Variants in KHDRBS2 observed in about 807,000 individuals in gnomAD.
KHDRBS2 encodes KH domain-containing, RNA-binding, signal transduction-associated protein 2.
In KHDRBS2, 26 loss-of-function variants were observed where a neutral mutation model predicts 44.3. That is an observed-to-expected ratio of 0.59 (90% CI 0.43 to 0.81). The LOEUF is 0.81. Among genes scored for constraint, KHDRBS2 ranks in the 40% least tolerant of loss-of-function variants. The pLI is 0.00. For missense variants in KHDRBS2, 476 were observed against 433.1 expected (o/e 1.10, Z -0.88); for synonymous variants, 194 against 151.1 (o/e 1.28, Z -2.08).
chr6:62,105,278 G>A (rs140879933), intron 2 of KHDRBS2, among the ~76,000 whole-genome samples: 1 of 152,214 alleles, frequency 6.6e-6, no homozygotes, highest in African/African-American at 2.4e-5. Flanking sequence ...ATTCAAACAG[G>A]CTGGCATTAC....
chr6:61,886,579 G>A (rs1488971332), intron 6 of KHDRBS2, among the ~76,000 whole-genome samples: 1 of 151,988 alleles, frequency 6.6e-6, no homozygotes, highest in Non-Finnish European at 1.5e-5. Flanking sequence ...TTATATATGT[G>A]TTCGTGTGCA....
chr6:61,925,455 C>A (rs1394317007), intron 4 of KHDRBS2, among the ~76,000 whole-genome samples: 1 of 152,164 alleles, frequency 6.6e-6, no homozygotes, highest in Non-Finnish European at 1.5e-5. Flanking sequence ...GTGGCTCACA[C>A]CTCTAATTCC....
At chr6:61,709,036 G>A (rs916450632) in intron 7 of KHDRBS2, among the ~76,000 whole-genome samples, 10 of 151,788 alleles carry the variant, frequency 6.6e-5, no homozygotes, top group African/African-American at 1.9e-4. Flanking sequence ...GGGCAATAGT[G>A]ATGTCTACTT....
chr6:62,235,804 T>G (rs1390770414), intron 1 of KHDRBS2, among the ~76,000 whole-genome samples: 1 of 152,050 alleles, frequency 6.6e-6, no homozygotes, highest in Non-Finnish European at 1.5e-5. Context: ...ATGGTACAAT[T>G]TCGAGATTTC....
chr6:62,218,153 T>C (rs1830328213), intron 1 of KHDRBS2, among the ~76,000 whole-genome samples: 1 of 151,626 alleles, frequency 6.6e-6, no homozygotes, highest in South Asian at 2.1e-4. Flanking sequence ...TCAAGAGTAG[T>C]CAAATGGAAA....
intron 2 of KHDRBS2, among the ~76,000 whole-genome samples, chr6:62,096,098 G>C (rs1206200543): frequency 6.6e-6 from 1 of 151,874 alleles, no homozygotes; most frequent in South Asian, 2.1e-4. Flanking sequence ...TCTTTTTGAC[G>C]TGCTTTTGGA....
chr6:61,867,102 TTTAC>T (rs1433500139), intron 6 of KHDRBS2, among the ~76,000 whole-genome samples: 3 of 152,182 alleles, frequency 2.0e-5, no homozygotes, highest in Admixed American at 2.0e-4. Context: ...CTGGTACCAA[TTTAC>T]TGTATTAGTC....
intron 3 of KHDRBS2, among the ~76,000 whole-genome samples, chr6:61,999,213 C>A (rs189827234): frequency 1.3e-5 from 2 of 152,212 alleles, no homozygotes; most frequent in East Asian, 1.9e-4. Context: ...CAATTTCCAA[C>A]CTCCAACCCA....
chr6:62,092,569 A>G lies in KHDRBS2; in HGVS notation c.220-44575T>C, dbSNP rs541728135. On this transcript the variant is annotated intron_variant, in intron 2 of 8. Transcript: ENST00000281156. The stretch of plus-strand genomic sequence containing the variant: ...GCAAAATGGATATTTCATGTTAATC[A>G]TAATTGTCTACCTGACTTAAGTAAA... Among the ~76,000 whole-genome samples, 7 of 152,308 alleles carry G rather than the reference A, an allele frequency of 4.6e-5. No homozygotes were observed. In the East Asian group the frequency reaches 1.3e-3, roughly 29 times the overall value.
intron 4 of KHDRBS2, among the ~76,000 whole-genome samples, chr6:61,976,953 G>A (rs1772804679): frequency 6.6e-6 from 1 of 152,118 alleles, no homozygotes; most frequent in Non-Finnish European, 1.5e-5. Flanking sequence ...CAGAAATTCA[G>A]TGTGCATATG....
At chr6:61,848,929 TTCGTTGCCGGAAAAATTA>T (rs1465019903) in intron 6 of KHDRBS2, among the ~76,000 whole-genome samples, 2 of 152,112 alleles carry the variant, frequency 1.3e-5, no homozygotes, top group African/African-American at 4.8e-5. Flanking sequence ...ATTTAAGCAT[TTCGTTGCCGGAAAAATTA>T]TCCAAATCTT....
chr6:61,732,568 G>A, intron 7 of KHDRBS2, 114 bp downstream of exon 7: 1 of 691,150 alleles, frequency 1.4e-6, no homozygotes, highest in Non-Finnish European at 2.6e-6. Context: ...GAAAGATAAT[G>A]GAGAAAAAAC....
chr6:62,025,269 T>C (rs532915045), intron 3 of KHDRBS2, among the ~76,000 whole-genome samples: 19 of 151,866 alleles, frequency 1.3e-4, no homozygotes, highest in African/African-American at 4.3e-4. Context: ...TCTTAGAACA[T>C]AAATTTTCAA....
At chr6:62,144,982 A>G (rs533512611) in intron 2 of KHDRBS2, among the ~76,000 whole-genome samples, 38 of 152,088 alleles carry the variant, frequency 2.5e-4, no homozygotes, top group African/African-American at 8.4e-4. Flanking sequence ...TATATCTTTA[A>G]AAGATCCCCC....
chr6:62,258,144 A>G (rs1181105456), intron 1 of KHDRBS2, among the ~76,000 whole-genome samples: 4 of 151,956 alleles, frequency 2.6e-5, no homozygotes, highest in Non-Finnish European at 2.9e-5. Context: ...GTTACTGTGC[A>G]CTTACTTTAC....
intron 2 of KHDRBS2, among the ~76,000 whole-genome samples, chr6:62,094,204 C>T (rs1343139098): frequency 6.6e-6 from 1 of 151,756 alleles, no homozygotes; most frequent in Non-Finnish European, 1.5e-5. Context: ...ACATTTGTTA[C>T]ATTTGGATTT....
At chr6:62,027,870 T>C (rs1783652991) in intron 3 of KHDRBS2, among the ~76,000 whole-genome samples, 1 of 152,254 alleles carries the variant, frequency 6.6e-6, no homozygotes, top group Non-Finnish European at 1.5e-5. Context: ...TTTACCCTTT[T>C]ATAACAAACC....
intron 2 of KHDRBS2, among the ~76,000 whole-genome samples, chr6:62,068,959 G>T (rs545175453): frequency 2.0e-5 from 3 of 151,604 alleles, no homozygotes; most frequent in African/African-American, 7.2e-5. Flanking sequence ...TCATTTTCAT[G>T]ATTGTTTTGG....
intron 4 of KHDRBS2, among the ~76,000 whole-genome samples, chr6:61,926,566 G>T (rs1162273112): frequency 1.3e-5 from 2 of 152,110 alleles, no homozygotes; most frequent in Admixed American, 6.6e-5. Context: ...CTAGGCAGGT[G>T]TTCAAGTCCA....
Sources: gnomAD v4.1 joint callset for allele counts (sites outside exome capture counted in the v4.1 genomes callset) on GRCh38, gnomAD v4.1.1 for gene constraint, MANE v1.5 for transcripts, NCBI Gene and HGNC (gene_info 2026-07-23, HGNC 2026-07-21) for gene names.